Variants in SAMD12 observed in about 807,000 individuals in gnomAD.
SAMD12 encodes the protein sterile alpha motif domain containing 12.
A neutral mutation model predicts 15.0 loss-of-function variants in SAMD12; 9 were observed. The ratio of observed to expected loss-of-function variants is 0.60; its 90% CI spans 0.36 to 1.05. The LOEUF (loss-of-function observed/expected upper bound fraction) is 1.05, where lower values mean the gene tolerates loss of function less well. SAMD12 is among the 50% of genes least tolerant of loss of function. The pLI is 0.01. For missense variants in SAMD12, 230 were observed against 234.2 expected (o/e 0.98, Z 0.12); for synonymous variants, 86 against 90.1 (o/e 0.96, Z 0.25).
At position 118,459,034 on chromosome 8, in the gene SAMD12, A is replaced by T. The variant is rs890500623; in HGVS notation, c.193-19073T>A. ...TTTACAACGTTAATATATTGCTTTT[A>T]AAAAAAATCTGCTACCCAGGAAAGG... is the stretch of plus-strand genomic sequence containing the variant. On this transcript the variant is annotated intron_variant, in intron 2 of 3. Coordinates refer to ENST00000314727, the MANE Select transcript of SAMD12 (RefSeq NM_207506.3). Among the ~76,000 whole-genome samples the T allele has an allele frequency of 4.1e-4, 62 of 149,592 alleles. 1 individual carries two copies. Among genetic ancestry groups the T allele is most frequent in the South Asian group, 2.1e-4 (1 of 4,676 alleles).
At chr8:118,278,701 G>C (rs1813531360) in intron 4 of SAMD12, among the ~76,000 whole-genome samples, 1 of 152,172 alleles carries the variant, frequency 6.6e-6, no homozygotes, top group Non-Finnish European at 1.5e-5. Flanking sequence ...ATATGAGAAG[G>C]GGTTAGAGTT....
At chr8:118,467,364 T>C (rs1307970549) in intron 2 of SAMD12, among the ~76,000 whole-genome samples, 1 of 152,218 alleles carries the variant, frequency 6.6e-6, no homozygotes, top group Non-Finnish European at 1.5e-5. Flanking sequence ...AACTAAGTGA[T>C]ATAATCCACG....
chr8:118,395,603 C>T lies in SAMD12; in HGVS notation c.323-15903G>A, dbSNP rs1014203797. Among the ~76,000 whole-genome samples the T allele has an allele frequency of 5.3e-5, 8 of 152,084 alleles. 1 individual carries two copies. In the South Asian group the frequency reaches 6.2e-4, roughly 12 times the overall value. ...CCATTGTTTTAAGTAACACTTTGTTCGCTGTGGGTACCAATAAGTACATAC... is the reference window on the plus strand; with the variant it reads ...CCATTGTTTTAAGTAACACTTTGTTTGCTGTGGGTACCAATAAGTACATAC... On this transcript the variant is annotated intron_variant, in intron 3 of 3. Coordinates refer to ENST00000314727, the MANE Select transcript of SAMD12 (RefSeq NM_207506.3).
At chr8:118,207,709 T>A (rs1191226019) in intron 4 of SAMD12, among the ~76,000 whole-genome samples, 1 of 152,222 alleles carries the variant, frequency 6.6e-6, no homozygotes, top group Non-Finnish European at 1.5e-5. Flanking sequence ...CTTCTTTTTT[T>A]AAATTATCTT....
intron 3 of SAMD12, among the ~76,000 whole-genome samples, chr8:118,388,519 T>C (rs1471566010): frequency 6.6e-6 from 1 of 152,172 alleles, no homozygotes; most frequent in African/African-American, 2.4e-5. Context: ...ATAATTTTCT[T>C]GCTTATTATG....
chr8:118,435,398 A>C (rs1432782240), intron 3 of SAMD12, among the ~76,000 whole-genome samples: 1 of 152,206 alleles, frequency 6.6e-6, no homozygotes, highest in African/African-American at 2.4e-5. Context: ...TACACTATAT[A>C]AATAGTGTTT....
intron 4 of SAMD12, among the ~76,000 whole-genome samples, chr8:118,355,772 G>C (rs73325635): frequency 0.037 from 5,691 of 152,238 alleles, 344 homozygotes; most frequent in African/African-American, 0.13. Flanking sequence ...ATGCATATCT[G>C]TATATAGAAG....
chr8:118,596,361 C>T (rs892163174), intron 1 of SAMD12, among the ~76,000 whole-genome samples: 2 of 152,206 alleles, frequency 1.3e-5, no homozygotes, highest in African/African-American at 4.8e-5. Flanking sequence ...TGTCAACTCA[C>T]ATGCTCCAAG....
intron 1 of SAMD12, among the ~76,000 whole-genome samples, chr8:118,605,290 G>A (rs948722500): frequency 6.6e-6 from 1 of 152,166 alleles, no homozygotes; most frequent in African/African-American, 2.4e-5. Flanking sequence ...TAAGGAAAAT[G>A]AGATTACTTA....
chr8:118,132,807 A>C, the SAMD12 span, among the ~76,000 whole-genome samples: 2 of 151,642 alleles, frequency 1.3e-5, no homozygotes, highest in Non-Finnish European at 2.9e-5. Context: ...CAGGAGCCTT[A>C]GTAGATTTAC....
At chr8:118,232,911 C>T (rs116648722) in intron 4 of SAMD12, among the ~76,000 whole-genome samples, 165 of 152,182 alleles carry the variant, frequency 1.1e-3, no homozygotes, top group African/African-American at 3.9e-3. Context: ...CAGCCCAATT[C>T]CAGCTTAAAT....
At chr8:118,614,952 C>T (rs1233975638) in intron 1 of SAMD12, among the ~76,000 whole-genome samples, 1 of 152,214 alleles carries the variant, frequency 6.6e-6, no homozygotes, top group Non-Finnish European at 1.5e-5. Flanking sequence ...AAGAGAGCAG[C>T]TTTCCACGCT....
At chr8:118,309,179 T>C (rs1452543191) in intron 4 of SAMD12, among the ~76,000 whole-genome samples, 1 of 152,210 alleles carries the variant, frequency 6.6e-6, no homozygotes, top group Admixed American at 6.5e-5. Flanking sequence ...AAGTCCATTG[T>C]ATTATTCTTC....
intron 4 of SAMD12, among the ~76,000 whole-genome samples, chr8:118,371,471 AC>A (rs1819093944): frequency 2.6e-5 from 4 of 152,010 alleles, no homozygotes. Context: ...CACAAGCAGA[AC>A]TCTGAGGATT....
Position 118,463,936 on chromosome 8 carries a change from C to T in SAMD12, c.193-23975G>A, listed in dbSNP as rs553759785. On this transcript the variant is annotated intron_variant, in intron 2 of 3. Transcript: ENST00000314727. ...GCCTTAATTAGATTACTGGATCAAC[C>T]TCTGACTCGCAATGAATGTCCTTAG... 1.6e-4 allele frequency among the ~76,000 whole-genome samples: 24 copies of T among 152,240 alleles called. No homozygotes were observed. In the South Asian group the frequency reaches 4.8e-3, roughly 30 times the overall value.
chr8:118,417,954 C>A (rs1447509717), intron 3 of SAMD12, among the ~76,000 whole-genome samples: 2 of 152,126 alleles, frequency 1.3e-5, no homozygotes, highest in Non-Finnish European at 2.9e-5. Context: ...GGCCTTTGAG[C>A]CCCATTTCAG....
At chr8:118,371,637 T>C (rs919235847) in intron 4 of SAMD12, among the ~76,000 whole-genome samples, 6 of 151,998 alleles carry the variant, frequency 3.9e-5, no homozygotes, top group Admixed American at 2.0e-4. Flanking sequence ...GAAAAGATAA[T>C]GGGTTAGATT....
At chr8:118,284,504 T>G in intron 4 of SAMD12, 1 of 360,002 alleles carries the variant, frequency 2.8e-6, no homozygotes, top group Non-Finnish European at 5.5e-6. Flanking sequence ...CTCTTACTCT[T>G]TCCATCTAGA....
chr8:118,385,156 G>C (rs1484702938), intron 3 of SAMD12, among the ~76,000 whole-genome samples: 1 of 152,178 alleles, frequency 6.6e-6, no homozygotes, highest in Non-Finnish European at 1.5e-5. Context: ...ATGCCAACTT[G>C]ACTTGGTTAT....
Sources: allele counts gnomAD v4.1 joint callset (sites outside exome capture counted in the v4.1 genomes callset), GRCh38; gene constraint gnomAD v4.1.1; transcripts MANE v1.5; gene names NCBI Gene and HGNC (gene_info 2026-07-23, HGNC 2026-07-21).